Variants in TASP1 observed in about 807,000 individuals in gnomAD.
TASP1 encodes threonine aspartase 1.
TASP1 carries 16 observed loss-of-function variants against 56.6 expected under a neutral mutation model. The ratio of observed to expected loss-of-function variants is 0.28; its 90% confidence interval spans 0.19 to 0.43. TASP1 has a LOEUF of 0.43. Among genes scored for constraint, TASP1 ranks in the 20% least tolerant of loss-of-function variants. The pLI is 1.00. For missense variants in TASP1, 393 were observed against 511.6 expected, an observed-to-expected ratio of 0.77 and a Z score of 2.24; for synonymous variants, 179 against 184.2, an observed-to-expected ratio of 0.97 and a Z score of 0.23.
At chr20:13,480,641 T>A (rs2043108270) in intron 11 of TASP1, among the ~76,000 whole-genome samples, 1 of 152,052 alleles carries the variant, frequency 6.6e-6, no homozygotes, top group South Asian at 2.1e-4. Flanking sequence ...AAGAGCAGAG[T>A]TCAGGAACTC....
chr20:13,535,159 C>T (rs920227694), intron 8 of TASP1, among the ~76,000 whole-genome samples: 3 of 152,086 alleles, frequency 2.0e-5, no homozygotes, highest in Admixed American at 6.5e-5. Context: ...CATTACTGAG[C>T]AGGACTTGGT....
chr20:13,558,287 C>T (rs530538872), intron 8 of TASP1, among the ~76,000 whole-genome samples: 14 of 152,150 alleles, frequency 9.2e-5, no homozygotes, highest in Non-Finnish European at 1.9e-4. Flanking sequence ...CCCTAAGCCA[C>T]AGGCTGAGCA....
the TASP1 span, among the ~76,000 whole-genome samples, chr20:13,227,084 A>T: frequency 6.6e-6 from 1 of 152,122 alleles, no homozygotes; most frequent in African/African-American, 2.4e-5. Flanking sequence ...TGTCTTGAAT[A>T]CTTTTTTGTG....
chr20:13,199,431 CTG>C, the TASP1 span, among the ~76,000 whole-genome samples: 3 of 152,094 alleles, frequency 2.0e-5, no homozygotes, highest in African/African-American at 7.2e-5. Flanking sequence ...AAAATACACT[CTG>C]TGCTTCTACT....
chr20:13,634,227 C>T (rs760027147), intron 1 of TASP1, among the ~76,000 whole-genome samples: 1 of 152,144 alleles, frequency 6.6e-6, no homozygotes, highest in Non-Finnish European at 1.5e-5. Flanking sequence ...GCAGTGCTGA[C>T]ACATACTATG....
At chr20:13,259,820 G>A in the TASP1 span, among the ~76,000 whole-genome samples, 4 of 152,146 alleles carry the variant, frequency 2.6e-5, no homozygotes, top group Admixed American at 2.6e-4. Context: ...AAATACTTTG[G>A]GGCAGGCCTG....
the TASP1 span, among the ~76,000 whole-genome samples, chr20:13,199,809 G>C: frequency 6.6e-6 from 1 of 152,300 alleles, no homozygotes; most frequent in African/African-American, 2.4e-5. Flanking sequence ...GGGATTTACA[G>C]GTCAAGTCAT....
At chr20:13,327,184 CA>C in the TASP1 span, among the ~76,000 whole-genome samples, 2 of 152,016 alleles carry the variant, frequency 1.3e-5, no homozygotes, top group African/African-American at 4.8e-5. Context: ...ACCAGAGAGC[CA>C]AATCATGAAT....
the TASP1 span, among the ~76,000 whole-genome samples, chr20:13,348,655 G>A: frequency 6.6e-6 from 1 of 152,162 alleles, no homozygotes; most frequent in Admixed American, 6.5e-5. Flanking sequence ...GGAGCATCTA[G>A]TTCTGGCTCC....
chr20:13,516,667 T>G lies in TASP1; in HGVS notation c.874+11766A>C, dbSNP rs947879384. Among the ~76,000 whole-genome samples the G allele has an allele frequency of 1.5e-4, 22 of 151,552 alleles. 1 individual carries two copies. The highest frequency in any genetic ancestry group is 3.9e-4 in the East Asian group (2 of 5,176). ...TTGATCTTACGCCTTTGTTTTTTTT[T>G]TTTTTTTTTTTTAACATTTCTTCAC... On this transcript the variant is annotated intron_variant, in intron 10 of 13. Coordinates refer to ENST00000337743, the MANE Select transcript of TASP1 (RefSeq NM_017714.3).
intron 10 of TASP1, among the ~76,000 whole-genome samples, chr20:13,514,710 T>G (rs975214432): frequency 3.9e-5 from 6 of 152,172 alleles, no homozygotes; most frequent in Non-Finnish European, 5.9e-5. Context: ...TGCTTTCTAC[T>G]AGTCAGTATT....
chr20:13,601,778 G>C (rs542288413), intron 4 of TASP1, among the ~76,000 whole-genome samples: 6 of 150,520 alleles, frequency 4.0e-5, no homozygotes, highest in Admixed American at 6.6e-5. Context: ...ACAGCGATAA[G>C]TCATGGTCAT....
At chr20:13,469,529 AT>A (rs1266828126) in intron 11 of TASP1, among the ~76,000 whole-genome samples, 3 of 152,130 alleles carry the variant, frequency 2.0e-5, no homozygotes, top group African/African-American at 7.2e-5. Context: ...CAGTAATAAA[AT>A]TTTTTTCTTT....
the TASP1 span, among the ~76,000 whole-genome samples, chr20:13,345,171 G>T: frequency 6.6e-6 from 1 of 152,196 alleles, no homozygotes; most frequent in South Asian, 2.1e-4. Flanking sequence ...ATGAAGAAAA[G>T]AGTTAAAAAT....
intron 8 of TASP1, among the ~76,000 whole-genome samples, chr20:13,539,811 A>C (rs769489827): frequency 3.3e-5 from 5 of 152,204 alleles, no homozygotes; most frequent in Admixed American, 6.5e-5. Flanking sequence ...TGGGGTTTGC[A>C]ACATTAAAGG....
chr20:13,410,043 T>C (rs1385014472), intron 13 of TASP1, among the ~76,000 whole-genome samples: 1 of 152,240 alleles, frequency 6.6e-6, no homozygotes, highest in East Asian at 1.9e-4. Context: ...ATCAGCATGT[T>C]TGAGCTCTCA....
intron 12 of TASP1, among the ~76,000 whole-genome samples, chr20:13,428,848 G>A (rs2042704495): frequency 6.6e-6 from 1 of 151,984 alleles, no homozygotes; most frequent in Non-Finnish European, 1.5e-5. Context: ...CATTTTTCTG[G>A]AACAAGAATC....
chr20:13,331,648 G>A, the TASP1 span, among the ~76,000 whole-genome samples: 3 of 147,210 alleles, frequency 2.0e-5, no homozygotes, highest in Admixed American at 2.0e-4. Flanking sequence ...GTGTTACTGT[G>A]TGTGTTTTGG....
At chr20:13,216,748 C>A in the TASP1 span, among the ~76,000 whole-genome samples, 1 of 152,144 alleles carries the variant, frequency 6.6e-6, no homozygotes, top group African/African-American at 2.4e-5. Flanking sequence ...TGTTCTTGGG[C>A]AAACGTAGGG....
Sources: allele counts gnomAD v4.1 joint callset (sites outside exome capture counted in the v4.1 genomes callset), GRCh38; gene constraint gnomAD v4.1.1; transcripts MANE v1.5; gene names NCBI Gene and HGNC (gene_info 2026-07-23, HGNC 2026-07-21).